Variants in EXOC6 observed in about 807,000 individuals in gnomAD.
EXOC6 encodes SEC15-like 1.
In EXOC6, 60 loss-of-function variants were observed where a neutral mutation model predicts 112.5. The ratio of observed to expected loss-of-function variants is 0.53; its 90% CI spans 0.43 to 0.66. The LOEUF (loss-of-function observed/expected upper bound fraction) is 0.66. Ranked by LOEUF, EXOC6 falls within the 30% of genes least tolerant of loss-of-function variation. The pLI, the probability that EXOC6 is intolerant of heterozygous loss-of-function variation, is 0.00. For missense variants in EXOC6, 855 were observed against 957.1 expected (o/e 0.89, Z 1.41); for synonymous variants, 295 against 308.0 (o/e 0.96, Z 0.44).
At chr10:92,851,270 G>A (rs2133627450) in intron 1 of EXOC6, among the ~76,000 whole-genome samples, 1 of 152,260 alleles carries the variant, frequency 6.6e-6, no homozygotes, top group South Asian at 2.1e-4. Context: ...AATACAGAAA[G>A]TCAGTGAAAC....
chr10:93,003,342 T>C (rs1299713846), intron 19 of EXOC6, among the ~76,000 whole-genome samples: 2 of 152,172 alleles, frequency 1.3e-5, no homozygotes, highest in African/African-American at 4.8e-5. Context: ...TTCTATACCA[T>C]CATTCAGCCA....
chr10:93,033,440 A>G (rs150621946), intron 20 of EXOC6, among the ~76,000 whole-genome samples: 125 of 152,350 alleles, frequency 8.2e-4, no homozygotes, highest in African/African-American at 2.8e-3. Flanking sequence ...GAGTTGTACA[A>G]TTAATGGTAG....
At chr10:92,900,758 G>A (rs1362254248) in intron 5 of EXOC6, 1 of 148,878 alleles carries the variant, frequency 6.7e-6, no homozygotes, top group Non-Finnish European at 1.5e-5. Context: ...GGATTATTTT[G>A]GTATTTATAT....
intron 1 of EXOC6, among the ~76,000 whole-genome samples, chr10:92,852,950 A>G (rs1230294551): frequency 6.6e-6 from 1 of 152,166 alleles, no homozygotes; most frequent in Non-Finnish European, 1.5e-5. Context: ...AAAAGCATCT[A>G]GTTTGGAAAA....
At chr10:92,857,369 T>C (rs1847652953) in intron 1 of EXOC6, among the ~76,000 whole-genome samples, 1 of 152,126 alleles carries the variant, frequency 6.6e-6, no homozygotes, top group Non-Finnish European at 1.5e-5. Flanking sequence ...ATATTCCTTC[T>C]TTCCCTTTTT....
At chr10:93,049,219 G>A (rs551237699) in intron 20 of EXOC6, among the ~76,000 whole-genome samples, 2 of 152,026 alleles carry the variant, frequency 1.3e-5, no homozygotes, top group South Asian at 2.1e-4. Context: ...CACCATGCCC[G>A]GCTAATTTTT....
At chr10:92,861,490 G>C (rs1016181253) in intron 1 of EXOC6, among the ~76,000 whole-genome samples, 1 of 152,172 alleles carries the variant, frequency 6.6e-6, no homozygotes, top group African/African-American at 2.4e-5. Flanking sequence ...ATGAAGGAGG[G>C]CTGGGTGGAA....
intron 1 of EXOC6, among the ~76,000 whole-genome samples, chr10:92,827,762 T>C (rs1037360363): frequency 1.3e-5 from 2 of 152,170 alleles, no homozygotes; most frequent in African/African-American, 4.8e-5. Flanking sequence ...CATTCTAGGC[T>C]CAGGGGTTCC....
intron 20 of EXOC6, among the ~76,000 whole-genome samples, chr10:93,027,832 AAC>A (rs1396659317): frequency 2.6e-5 from 4 of 152,254 alleles, no homozygotes; most frequent in Admixed American, 2.0e-4. Context: ...CATGCCTGCT[AAC>A]ACAGCATTCA....
At chr10:92,865,097 A>G (rs551452642) in intron 1 of EXOC6, among the ~76,000 whole-genome samples, 2 of 152,300 alleles carry the variant, frequency 1.3e-5, no homozygotes, top group South Asian at 4.2e-4. Flanking sequence ...GATAGTTATA[A>G]TCCACGTAAA....
intron 20 of EXOC6, among the ~76,000 whole-genome samples, chr10:93,024,682 T>G (rs760505835): frequency 6.6e-6 from 1 of 152,140 alleles, no homozygotes; most frequent in Non-Finnish European, 1.5e-5. Flanking sequence ...CCTCCCAAAG[T>G]CCTGGGATTA....
At chr10:92,912,451 G>A (rs1053908541) in intron 6 of EXOC6, among the ~76,000 whole-genome samples, 5 of 152,094 alleles carry the variant, frequency 3.3e-5, no homozygotes, top group African/African-American at 1.2e-4. Flanking sequence ...GGATATACCA[G>A]CATTTATTAT....
chr10:92,835,490 C>T (rs2133572438), intron 1 of EXOC6, among the ~76,000 whole-genome samples: 1 of 152,268 alleles, frequency 6.6e-6, no homozygotes, highest in African/African-American at 2.4e-5. Context: ...TGACACCTAT[C>T]AGTGTGGGAA....
chr10:93,005,072 C>T (rs1404195590), intron 19 of EXOC6, among the ~76,000 whole-genome samples: 1 of 152,076 alleles, frequency 6.6e-6, no homozygotes, highest in Non-Finnish European at 1.5e-5. Flanking sequence ...AAGGTCTTTA[C>T]CCTCTTGGAG....
At chr10:92,860,522 A>G (rs1370205988) in intron 1 of EXOC6, among the ~76,000 whole-genome samples, 1 of 151,954 alleles carries the variant, frequency 6.6e-6, no homozygotes, top group South Asian at 2.1e-4. Flanking sequence ...CGGCCTCCCA[A>G]AGTGCTGGGA....
chr10:92,920,024 C>T lies in EXOC6; in HGVS notation c.862C>T (p.Arg288Ter), dbSNP rs1258446959. Residue 288 changes from arginine (R) to a stop codon, truncating the protein, a stop_gained, in exon 8 of 22, where the codon CGA (arginine) becomes TGA (stop). Coordinates refer to ENST00000260762, the MANE Select transcript of EXOC6 (RefSeq NM_019053.6). LOFTEE classifies it high-confidence loss of function. ...TCTTGTTGATTTTTCCCCTGTTTAT[C>T]GATGTTTGCACATTTATTCTGTTTT... ...QDLVDFSPVY[R>*]CLHIYSVLGD... 5 of 1,605,078 alleles carry T rather than the reference C, an allele frequency of 3.1e-6. No individual in the cohort carries two copies. Among genetic ancestry groups the T allele is most frequent in the East Asian group, 2.2e-5 (1 of 44,450 alleles).
At chr10:92,872,744 A>G (rs372009927) in intron 1 of EXOC6, among the ~76,000 whole-genome samples, 131 of 145,058 alleles carry the variant, frequency 9.0e-4, no homozygotes, top group African/African-American at 3.2e-3. Context: ...ATTGTAAATC[A>G]TAAGTGAATT....
intron 1 of EXOC6, among the ~76,000 whole-genome samples, chr10:92,828,526 G>A (rs1846421065): frequency 6.6e-6 from 1 of 151,824 alleles, no homozygotes; most frequent in African/African-American, 2.4e-5. Context: ...TAGAGACAGG[G>A]TTTCACTATG....
chr10:93,004,711 A>G (rs1843900664), intron 19 of EXOC6, among the ~76,000 whole-genome samples: 1 of 152,194 alleles, frequency 6.6e-6, no homozygotes, highest in Non-Finnish European at 1.5e-5. Context: ...ATATAGAATT[A>G]TATGAACTTA....
Sources: gnomAD v4.1 joint callset for allele counts (sites outside exome capture counted in the v4.1 genomes callset) on GRCh38, gnomAD v4.1.1 for gene constraint, MANE v1.5 for transcripts, NCBI Gene and HGNC (gene_info 2026-07-23, HGNC 2026-07-21) for gene names.